Variants in GARNL3 observed in about 807,000 individuals in gnomAD.
GARNL3 encodes the protein GTPase activating Rap/RanGAP domain like 3, also known as GTPase-activating Rap/Ran-GAP domain-like protein 3.
A neutral mutation model predicts 125.0 loss-of-function variants in GARNL3; 63 were observed. The ratio of observed to expected loss-of-function variants is 0.50; its 90% CI spans 0.41 to 0.62. The LOEUF is 0.62. Ranked by LOEUF, GARNL3 falls within the 20% of genes least tolerant of loss-of-function variation. The probability of loss-of-function intolerance (pLI) is 0.00; values close to 1 mark genes in which losing one functional copy is unlikely to be tolerated. For missense variants in GARNL3, 994 were observed against 1,244.0 expected (o/e 0.80, Z 3.02); for synonymous variants, 439 against 457.5 (o/e 0.96, Z 0.52).
chr9:127,328,714 T>A (rs977565694), intron 7 of GARNL3, among the ~76,000 whole-genome samples: 1 of 152,192 alleles, frequency 6.6e-6, no homozygotes, highest in African/African-American at 2.4e-5. Flanking sequence ...TCTTCTGGAA[T>A]CATTGGGACT....
intron 25 of GARNL3, chr9:127,388,677 C>A: frequency 1.8e-6 from 1 of 565,064 alleles, no homozygotes; most frequent in Non-Finnish European, 3.2e-6. Flanking sequence ...TGTGCAGTCA[C>A]GAGTGCATTT....
intron 24 of GARNL3, chr9:127,386,991 G>C (rs943666853): frequency 4.1e-5 from 19 of 464,318 alleles, no homozygotes; most frequent in African/African-American, 3.3e-4. Context: ...GGCGGGGAGT[G>C]GAATACTCAG....
Position 127,242,803 on chromosome 9 carries a change from A to AG in GARNL3, c.-28-276_-28-275insG, listed in dbSNP as rs2063226108. On this transcript the variant is annotated intron_variant, in intron 1 of 10. Transcript: ENST00000439286. The surrounding 1 kb of genome is among the most constrained non-coding windows in gnomAD (Gnocchi z 4.6). ...TCTAAACAAGTTTGTGATTGTTCAA[A>AG]TGCTCACTGGGCCTCCTTTTACTTT... Among the ~76,000 whole-genome samples the AG allele has an allele frequency of 6.6e-6, 1 of 152,160 alleles. No homozygotes were observed. Among genetic ancestry groups the AG allele is most frequent in the African/African-American group, 2.4e-5 (1 of 41,436 alleles).
intron 3 of GARNL3, 134 bp downstream of exon 3, chr9:127,311,869 G>A: frequency 1.6e-6 from 1 of 612,496 alleles, no homozygotes; most frequent in East Asian, 2.9e-5. Flanking sequence ...TTCACTTCAA[G>A]GTCAGTAGTA....
chr9:127,291,369 A>G, intron 2 of GARNL3, 127 bp downstream of exon 2: 1 of 781,894 alleles, frequency 1.3e-6, no homozygotes, highest in Non-Finnish European at 2.1e-6. Context: ...AGCAAATGGA[A>G]GGGAAATGTC....
chr9:127,340,419 A>G (rs1368046761), intron 13 of GARNL3, among the ~76,000 whole-genome samples: 1 of 151,968 alleles, frequency 6.6e-6, no homozygotes, highest in Non-Finnish European at 1.5e-5. Flanking sequence ...TTGATCAGAA[A>G]CAAGTTACTC....
chr9:127,383,536 T>C lies in GARNL3; in HGVS notation c.2260T>C (p.Tyr754His), dbSNP rs762684552. Residue 754 changes from tyrosine to histidine, a missense_variant, in exon 23 of 28, where the codon TAT (tyrosine) becomes CAT (histidine). Around this residue, in one of 5 missense-constraint regions of GARNL3, gnomAD observed 728 missense variants for 865.7 expected, o/e 0.84. Coordinates refer to ENST00000373387, the MANE Select transcript of GARNL3 (RefSeq NM_032293.5). ...CCAGTTCTGTTGGAACCAGGCTCCCTATGCAATTGGTAAGAAAAGTCTTTA... is the reference window on the plus strand; with the variant it reads ...CCAGTTCTGTTGGAACCAGGCTCCCCATGCAATTGGTAAGAAAAGTCTTTA... ...DFQFCWNQAP[Y>H]AIVCAFPYLL... is the part of the protein sequence containing the mutation. 8.7e-6 allele frequency: 14 copies of C among 1,607,578 alleles called. No individual in the cohort carries two copies. The East Asian group carries it at 2.9e-4, about 33-fold the overall frequency.
intron 21 of GARNL3, chr9:127,363,383 T>A (rs762353669): frequency 8.5e-5 from 13 of 152,184 alleles, no homozygotes; most frequent in Non-Finnish European, 1.6e-4. Context: ...TCTTAAGGGG[T>A]CAACCTCACC....
chr9:127,287,789 C>T (rs1397091109), intron 1 of GARNL3, among the ~76,000 whole-genome samples: 1 of 152,242 alleles, frequency 6.6e-6, no homozygotes, highest in African/African-American at 2.4e-5. Flanking sequence ...CCGACTTTCC[C>T]CAGCCTGTGG....
chr9:127,241,351 T>C (rs1458280510), intron 1 of GARNL3, among the ~76,000 whole-genome samples: 1 of 152,142 alleles, frequency 6.6e-6, no homozygotes, highest in African/African-American at 2.4e-5. Flanking sequence ...TGTTATTTAT[T>C]TGTTGGTGTA....
intron 4 of GARNL3, among the ~76,000 whole-genome samples, chr9:127,316,044 A>T (rs767407534): frequency 6.6e-6 from 1 of 152,178 alleles, no homozygotes; most frequent in Non-Finnish European, 1.5e-5. Flanking sequence ...TTACTTAAAC[A>T]TTGACTCTGG....
chr9:127,392,635 A>G lies in GARNL3; in HGVS notation c.2871-448A>G, dbSNP rs930105791. 6.6e-6 allele frequency among the ~76,000 whole-genome samples: 1 copy of G among 152,212 alleles called. No homozygotes were observed. Among genetic ancestry groups the G allele is most frequent in the Non-Finnish European group, 1.5e-5 (1 of 68,038 alleles). On this transcript the variant is annotated intron_variant, in intron 27 of 27. Coordinates refer to ENST00000373387, the MANE Select transcript of GARNL3 (RefSeq NM_032293.5). The surrounding 1 kb of genome is among the most constrained non-coding windows in gnomAD (Gnocchi z 5.2). Reference sequence around the variant, plus strand: ...TGCATTAACTCTCTGAGAAGTGGAAACCAATATTGGTCAAATTAATATGCA... The same window carrying G: ...TGCATTAACTCTCTGAGAAGTGGAAGCCAATATTGGTCAAATTAATATGCA...
intron 2 of GARNL3, chr9:127,243,287 T>C (rs1588673690): frequency 3.0e-6 from 4 of 1,348,318 alleles, no homozygotes; most frequent in African/African-American, 3.0e-5. Flanking sequence ...AGTTTGGGTT[T>C]ATGTTCACTA....
At chr9:127,322,011 G>A (rs981228706) in intron 6 of GARNL3, among the ~76,000 whole-genome samples, 1 of 152,046 alleles carries the variant, frequency 6.6e-6, no homozygotes, top group African/African-American at 2.4e-5. Flanking sequence ...CTTTTGTTTT[G>A]ATGTAATTTT....
chr9:127,312,767 G>A (rs954586357), intron 3 of GARNL3, among the ~76,000 whole-genome samples: 1 of 152,114 alleles, frequency 6.6e-6, no homozygotes, highest in Non-Finnish European at 1.5e-5. Context: ...TTGGTGTGTG[G>A]GGGATACAGA....
At chr9:127,262,306 C>G (rs1291585960), upstream of GARNL3, among the ~76,000 whole-genome samples, 1 of 152,168 alleles carries the variant, frequency 6.6e-6, no homozygotes, top group Non-Finnish European at 1.5e-5. Flanking sequence ...TGTGGTGTAG[C>G]CTTCCATACA....
At chr9:127,355,230 T>A in intron 19 of GARNL3, 67 bp from the exon 20 acceptor site, 1 of 1,389,566 alleles carries the variant, frequency 7.2e-7, no homozygotes, top group Non-Finnish European at 1.0e-6. Context: ...TATTGCCAAA[T>A]TGTCAAGGTC....
chr9:127,371,941 A>T (rs1370362513), intron 22 of GARNL3, among the ~76,000 whole-genome samples: 3 of 152,000 alleles, frequency 2.0e-5, no homozygotes, highest in African/African-American at 4.8e-5. Context: ...TGCAAAAAAA[A>T]TTTTTTTTGA....
intron 1 of GARNL3, among the ~76,000 whole-genome samples, chr9:127,268,854 C>T (rs910535175): frequency 1.3e-5 from 2 of 152,036 alleles, no homozygotes; most frequent in African/African-American, 4.8e-5. Context: ...AATATTTGTC[C>T]TTTTGTATCT....
Sources: allele counts gnomAD v4.1 joint callset (sites outside exome capture counted in the v4.1 genomes callset), GRCh38; gene constraint gnomAD v4.1.1; regional missense constraint gnomAD v4.1.1; non-coding constraint Gnocchi (gnomAD v3.1); transcripts MANE v1.5; gene names NCBI Gene and HGNC (gene_info 2026-07-23, HGNC 2026-07-21).